Variants in NAV1 observed in about 807,000 individuals in gnomAD.
NAV1 encodes pore membrane and/or filament interacting like protein 3.
A neutral mutation model predicts 175.2 loss-of-function variants in NAV1; 18 were observed. That is an observed-to-expected ratio of 0.10 (90% CI 0.07 to 0.15). The LOEUF (loss-of-function observed/expected upper bound fraction) is 0.15. NAV1 is among the 10% of genes least tolerant of loss of function. The pLI is 1.00. For synonymous variants in NAV1, 897 were observed against 978.7 expected (o/e 0.92, Z 1.56); for missense variants, 1,731 against 2,436.6 (o/e 0.71, Z 6.10).
At chr1:201,660,201 G>A (rs564245977) in intron 1 of NAV1, among the ~76,000 whole-genome samples, 3 of 152,320 alleles carry the variant, frequency 2.0e-5, no homozygotes, top group Admixed American at 6.5e-5. Context: ...TATTTGGGGT[G>A]GGGGAGCAGG....
intron 1 of NAV1, among the ~76,000 whole-genome samples, chr1:201,663,886 C>T (rs1416679427): frequency 6.6e-6 from 1 of 152,118 alleles, no homozygotes; most frequent in Non-Finnish European, 1.5e-5. Flanking sequence ...TGGACCTGGG[C>T]CTGGGGCAGG....
intron 1 of NAV1, among the ~76,000 whole-genome samples, chr1:201,571,947 G>T (rs1209901307): frequency 1.3e-5 from 2 of 152,164 alleles, no homozygotes; most frequent in African/African-American, 4.8e-5. Context: ...GCGGAAAGGG[G>T]AATACCTAAT....
chr1:201,681,714 C>T (rs1046269257), intron 1 of NAV1, among the ~76,000 whole-genome samples: 2 of 152,234 alleles, frequency 1.3e-5, no homozygotes, highest in East Asian at 1.9e-4. Context: ...TGGCTCACGC[C>T]TGTAATCCTA....
chr1:201,583,437 G>T (rs1190666500), intron 1 of NAV1, among the ~76,000 whole-genome samples: 1 of 152,154 alleles, frequency 6.6e-6, no homozygotes. Flanking sequence ...TCTGCTAAGG[G>T]GCTCTTTCTC....
intron 1 of NAV1, among the ~76,000 whole-genome samples, chr1:201,707,638 C>G (rs1671725492): frequency 6.6e-6 from 1 of 152,208 alleles, no homozygotes. Context: ...CCTGGGGAAG[C>G]CTGTTTCCCC....
chr1:201,615,462 A>C (rs917416433), intron 2 of NAV1, among the ~76,000 whole-genome samples: 9 of 151,928 alleles, frequency 5.9e-5, no homozygotes, highest in Non-Finnish European at 1.3e-4. Flanking sequence ...ATGGGGTTTC[A>C]CCATCTTGGC....
intron 1 of NAV1, among the ~76,000 whole-genome samples, chr1:201,683,885 G>A (rs1040963425): frequency 1.3e-5 from 2 of 151,736 alleles, no homozygotes; most frequent in Non-Finnish European, 2.9e-5. Flanking sequence ...GAGGGGGAGC[G>A]TCCACCTAAA....
At chr1:201,783,444 C>A in exon 7 of NAV1, 1 of 1,614,148 alleles carries the variant, frequency 6.2e-7, no homozygotes, top group Non-Finnish European at 8.5e-7. Context: ...CCCTCACTAG[C>A]CAATCTTGAC....
At chr1:201,616,343 G>A (rs1668001770) in intron 2 of NAV1, among the ~76,000 whole-genome samples, 1 of 152,094 alleles carries the variant, frequency 6.6e-6, no homozygotes, top group Admixed American at 6.5e-5. Flanking sequence ...GGGGCATGAG[G>A]AGTTCTACCA....
At chr1:201,744,300 C>CTATGTATG (rs145244423) in intron 3 of NAV1, among the ~76,000 whole-genome samples, 3 of 150,722 alleles carry the variant, frequency 2.0e-5, no homozygotes, top group African/African-American at 7.3e-5. Context: ...GAGCTGACGG[C>CTATGTATG]TATGTATGTA....
At chr1:201,811,856 G>C in intron 25 of NAV1, 47 bp from the exon 30 acceptor site, 1 of 1,612,944 alleles carries the variant, frequency 6.2e-7, no homozygotes, top group Non-Finnish European at 8.5e-7. Context: ...CAGAAAGCAA[G>C]TGTGAAGGCA....
intron 3 of NAV1, among the ~76,000 whole-genome samples, chr1:201,722,930 G>A (rs546193889): frequency 7.2e-5 from 11 of 152,296 alleles, no homozygotes; most frequent in Admixed American, 6.5e-4. Context: ...ACTGGTGTGG[G>A]GTGAAACCCC....
chr1:201,595,781 C>T (rs609391), intron 2 of NAV1, among the ~76,000 whole-genome samples: 38,773 of 152,236 alleles, frequency 0.25, 5,386 homozygotes, highest in African/African-American at 0.36. Flanking sequence ...AGCAGATTTT[C>T]CTGTGCTGTC....
intron 1 of NAV1, among the ~76,000 whole-genome samples, chr1:201,705,832 G>A (rs1671642699): frequency 6.6e-6 from 1 of 151,688 alleles, no homozygotes. Flanking sequence ...GAAGGCAGAG[G>A]GGATTTGCTT....
intron 2 of NAV1, among the ~76,000 whole-genome samples, chr1:201,713,939 C>CT (rs1297350187): frequency 6.6e-6 from 1 of 152,116 alleles, no homozygotes; most frequent in Non-Finnish European, 1.5e-5. Context: ...AACTCATTAC[C>CT]TTTCTTTTTT....
chr1:201,548,461 G>A (rs1330779582), intron 1 of NAV1, among the ~76,000 whole-genome samples: 1 of 152,178 alleles, frequency 6.6e-6, no homozygotes, highest in Non-Finnish European at 1.5e-5. Flanking sequence ...GCTGATATAG[G>A]AGGATCGATC....
At position 201,651,113 on chromosome 1, in the gene NAV1, G is replaced by A. The variant is rs796758223; in HGVS notation, c.757+1688G>A. 1.7e-4 allele frequency among the ~76,000 whole-genome samples: 25 copies of A among 148,488 alleles called. 1 individual carries two copies. Among genetic ancestry groups the A allele is most frequent in the African/African-American group, 6.2e-4 (25 of 40,010 alleles). ...GAGGGACTGAAAGCAGGGTGAGAGA[G>A]GAAGGGACCGTGTGTGTGTGTGTGT... On this transcript the variant is annotated intron_variant, in intron 1 of 29. Coordinates refer to ENST00000367296, the Ensembl canonical transcript of NAV1.
At chr1:201,773,969 C>T (rs1306977169) in intron 3 of NAV1, among the ~76,000 whole-genome samples, 6 of 152,110 alleles carry the variant, frequency 3.9e-5, no homozygotes, top group East Asian at 1.9e-4. Flanking sequence ...TATAAGAACT[C>T]GCCCCAAATA....
chr1:201,758,220 G>T (rs911356974), intron 3 of NAV1, among the ~76,000 whole-genome samples: 1 of 152,238 alleles, frequency 6.6e-6, no homozygotes, highest in Non-Finnish European at 1.5e-5. Context: ...CCCACCACAT[G>T]TGAAGTCAGT....
Sources: allele counts gnomAD v4.1 joint callset (sites outside exome capture counted in the v4.1 genomes callset), GRCh38; gene constraint gnomAD v4.1.1; transcripts MANE v1.5; gene names NCBI Gene and HGNC (gene_info 2026-07-23, HGNC 2026-07-21).